Variants in SH3RF1 observed in about 807,000 individuals in gnomAD.
SH3RF1 encodes the protein SH3 domain containing ring finger 1.
Under a neutral mutation model 74.0 loss-of-function variants are expected in SH3RF1, and 32 were observed. The observed-to-expected ratio is 0.43, with a 90% CI of 0.33 to 0.58. The LOEUF is 0.58. Among genes scored for constraint, SH3RF1 ranks in the 20% least tolerant of loss-of-function variants. SH3RF1 has a pLI of 0.05. For missense variants in SH3RF1, 954 were observed against 1,130.9 expected (o/e 0.84, Z 2.24); for synonymous variants, 396 against 439.6 (o/e 0.90, Z 1.24).
chr4:169,230,842 T>G, intron 2 of SH3RF1, among the ~76,000 whole-genome samples: 1 of 115,944 alleles, frequency 8.6e-6, no homozygotes, highest in Non-Finnish European at 1.7e-5. Flanking sequence ...GATGACAGAG[T>G]GAGAAACCAC....
intron 2 of SH3RF1, among the ~76,000 whole-genome samples, chr4:169,208,016 A>G (rs1730289905): frequency 6.6e-6 from 1 of 152,188 alleles, no homozygotes; most frequent in African/African-American, 2.4e-5. Flanking sequence ...TTGAATGAGC[A>G]TAGACTCTAC....
chr4:169,207,164 C>T (rs888450107), intron 2 of SH3RF1, among the ~76,000 whole-genome samples: 39 of 152,122 alleles, frequency 2.6e-4, no homozygotes, highest in African/African-American at 6.3e-4. Flanking sequence ...TGCTAGGTTG[C>T]GCAGGCTGGT....
In SH3RF1 at chr4:169,130,162, GAGAAA is replaced by G; in HGVS notation, c.1069-11_1069-7del. ...CCGGTGGTACTTATATGAACCTGCC[GAGAAA>G]AGAAAAGTTATTAAAAAGAAGACTA... On this transcript the variant is annotated splice_region_variant and splice_polypyrimidine_tract_variant and intron_variant, in intron 5 of 11. Coordinates refer to ENST00000284637, the MANE Select transcript of SH3RF1 (RefSeq NM_020870.4). 1 of 1,543,316 alleles carries G rather than the reference GAGAAA, an allele frequency of 6.5e-7. No homozygotes were observed. Among genetic ancestry groups the G allele is most frequent in the Non-Finnish European group, 8.7e-7 (1 of 1,152,534 alleles).
At chr4:169,236,258 A>T (rs1014384106) in intron 2 of SH3RF1, among the ~76,000 whole-genome samples, 5 of 152,224 alleles carry the variant, frequency 3.3e-5, no homozygotes, top group Non-Finnish European at 5.9e-5. Flanking sequence ...GGGAAGTAAA[A>T]CATGTCACTT....
chr4:169,241,758 G>A (rs1036516972), intron 2 of SH3RF1, among the ~76,000 whole-genome samples: 4 of 152,184 alleles, frequency 2.6e-5, no homozygotes, highest in African/African-American at 9.7e-5. Context: ...CTTGCAGCAT[G>A]GTTACTGAGA....
intron 2 of SH3RF1, among the ~76,000 whole-genome samples, chr4:169,210,743 T>C (rs528344807): frequency 2.6e-5 from 4 of 152,184 alleles, no homozygotes; most frequent in African/African-American, 9.7e-5. Context: ...TTAAAGGCTG[T>C]TCCAATATCA....
At chr4:169,105,116 A>G (rs1255133088) in intron 11 of SH3RF1, among the ~76,000 whole-genome samples, 1 of 152,136 alleles carries the variant, frequency 6.6e-6, no homozygotes, top group Non-Finnish European at 1.5e-5. Context: ...AAAACATAAC[A>G]CTTTATAGTA....
chr4:169,172,100 CTCTAAATT>C (rs1734338459), intron 2 of SH3RF1, among the ~76,000 whole-genome samples: 1 of 152,144 alleles, frequency 6.6e-6, no homozygotes, highest in Non-Finnish European at 1.5e-5. Flanking sequence ...GGTAGAAGTA[CTCTAAATT>C]TTCCACTCTG....
chr4:169,211,284 C>T (rs770201189), intron 2 of SH3RF1, among the ~76,000 whole-genome samples: 1 of 151,960 alleles, frequency 6.6e-6, no homozygotes, highest in Non-Finnish European at 1.5e-5. Context: ...AGATCGAGAC[C>T]ATCCTGGCTA....
At chr4:169,249,655 G>T (rs1731064759) in intron 2 of SH3RF1, among the ~76,000 whole-genome samples, 1 of 152,104 alleles carries the variant, frequency 6.6e-6, no homozygotes, top group Admixed American at 6.6e-5. Flanking sequence ...AACATACAAG[G>T]ATCCAATCCC....
At chr4:169,186,081 G>C (rs542815712) in intron 2 of SH3RF1, among the ~76,000 whole-genome samples, 1 of 152,152 alleles carries the variant, frequency 6.6e-6, no homozygotes, top group South Asian at 2.1e-4. Flanking sequence ...AGGAAAGAGT[G>C]TCACCTAGAT....
Position 169,136,767 on chromosome 4 carries a change from T to A in SH3RF1, c.766-147A>T, listed in dbSNP as rs1561033579. Reference sequence around the variant, plus strand: ...CAGTGTCTGTTTTTCCCATGTGAGATATCTCTTCTCTCAATATTGGGACTT... The same window carrying A: ...CAGTGTCTGTTTTTCCCATGTGAGAAATCTCTTCTCTCAATATTGGGACTT... On this transcript the variant is annotated intron_variant, in intron 4 of 11. Coordinates refer to ENST00000284637, the MANE Select transcript of SH3RF1 (RefSeq NM_020870.4). 3 of 642,152 alleles carry A rather than the reference T, an allele frequency of 4.7e-6. No homozygotes were observed. In the East Asian group the frequency reaches 9.6e-5, roughly 21 times the overall value. The allele number at this position is 642,152 out of a possible 1,614,324, so 39.8% of individuals were successfully genotyped here.
chr4:169,213,018 A>G, intron 2 of SH3RF1, among the ~76,000 whole-genome samples: 1 of 152,232 alleles, frequency 6.6e-6, no homozygotes, highest in Non-Finnish European at 1.5e-5. Context: ...AGGTTTTTGT[A>G]AAGACATAAG....
At chr4:169,231,047 T>C (rs1054904441) in intron 2 of SH3RF1, among the ~76,000 whole-genome samples, 1 of 152,202 alleles carries the variant, frequency 6.6e-6, no homozygotes, top group African/African-American at 2.4e-5. Flanking sequence ...ATAGGAAGGC[T>C]ACTTACCTTC....
chr4:169,149,663 C>G (rs978766847), intron 4 of SH3RF1, among the ~76,000 whole-genome samples: 1 of 152,146 alleles, frequency 6.6e-6, no homozygotes, highest in Admixed American at 6.6e-5. Context: ...TCCCTCTTCC[C>G]AACTTACCCA....
chr4:169,183,352 C>T (rs927067552), intron 2 of SH3RF1, among the ~76,000 whole-genome samples: 2 of 152,174 alleles, frequency 1.3e-5, no homozygotes, highest in African/African-American at 2.4e-5. Flanking sequence ...GTGATCCTGG[C>T]TCACTGCAAC....
intron 4 of SH3RF1, 116 bp downstream of exon 4, chr4:169,155,364 C>T: frequency 5.6e-6 from 4 of 708,870 alleles, no homozygotes; most frequent in Non-Finnish European, 9.8e-6. Flanking sequence ...TGATCTGTAA[C>T]AGGGCATTCC....
intron 10 of SH3RF1, among the ~76,000 whole-genome samples, chr4:169,113,861 T>C (rs578016090): frequency 2.0e-4 from 30 of 152,238 alleles, no homozygotes; most frequent in African/African-American, 7.0e-4. Context: ...GGGTATAGCA[T>C]TAGAGAAAAG....
At chr4:169,168,246 A>G (rs1446471263) in intron 2 of SH3RF1, among the ~76,000 whole-genome samples, 5 of 152,224 alleles carry the variant, frequency 3.3e-5, no homozygotes, top group Non-Finnish European at 5.9e-5. Context: ...AGGTATGGAG[A>G]TTAATGCACA....
Sources: gnomAD v4.1 joint callset for allele counts (sites outside exome capture counted in the v4.1 genomes callset) on GRCh38, gnomAD v4.1.1 for gene constraint, MANE v1.5 for transcripts, NCBI Gene and HGNC (gene_info 2026-07-23, HGNC 2026-07-21) for gene names.